GRIA1: variants seen among roughly 807,000 people sequenced by gnomAD.
The protein encoded by GRIA1 is glutamate ionotropic receptor AMPA type subunit 1.
In GRIA1, 31 loss-of-function variants were observed where a neutral mutation model predicts 99.2. The observed-to-expected ratio is 0.31, with a 90% CI of 0.23 to 0.42. The LOEUF is 0.42. Among genes scored for constraint, GRIA1 ranks in the 10% least tolerant of loss-of-function variants. The pLI is 1.00. For missense variants in GRIA1, 782 were observed against 1,157.5 expected (o/e 0.68, Z 4.71); for synonymous variants, 438 against 432.4 (o/e 1.01, Z -0.16).
At chr5:153,760,724 T>C (rs922917976) in intron 11 of GRIA1, among the ~76,000 whole-genome samples, 1 of 151,950 alleles carries the variant, frequency 6.6e-6, no homozygotes, top group African/African-American at 2.4e-5. Context: ...CAAGGCAATC[T>C]TGAACAAAAA....
chr5:153,705,662 A>ATGTTT, intron 10 of GRIA1, 35 bp from the exon 11 acceptor site: 1 of 750,700 alleles, frequency 1.3e-6, no homozygotes, highest in Non-Finnish European at 1.7e-6. Context: ...GCTCACCTGC[A>ATGTTT]TTTTTTTTTT....
intron 2 of GRIA1, among the ~76,000 whole-genome samples, chr5:153,527,204 A>G (rs1436146861): frequency 6.6e-6 from 1 of 152,162 alleles, no homozygotes; most frequent in Non-Finnish European, 1.5e-5. Flanking sequence ...AAAGTCTAAA[A>G]TTTCCAATAG....
Position 153,811,075 on chromosome 5 carries a change from G to A in GRIA1, c.2571G>A (p.Ser857=), listed in dbSNP as rs573878859. ...CCATCAACGAAGCCATACGGACATC[G>A]ACCCTCCCCCGCAACAGCGGGGCAG... ...QQSINEAIRT[S]TLPRNSGAGA... Residue 857 remains serine, a synonymous_variant, in exon 16 of 16, where the codon TCG becomes TCA. Coordinates refer to ENST00000285900, the MANE Select transcript of GRIA1 (RefSeq NM_000827.4). The A allele has an allele frequency of 1.8e-5, 29 of 1,614,030 alleles. No individual in the cohort carries two copies. Among genetic ancestry groups the A allele is most frequent in the South Asian group, 1.1e-4 (10 of 91,046 alleles).
chr5:153,597,116 C>T (rs759021816), intron 2 of GRIA1, among the ~76,000 whole-genome samples: 9 of 152,190 alleles, frequency 5.9e-5, no homozygotes, highest in African/African-American at 1.9e-4. Flanking sequence ...GTTCACTCTG[C>T]GGGAGACTGA....
chr5:153,690,532 G>A (rs538846323), intron 8 of GRIA1, among the ~76,000 whole-genome samples: 24 of 152,186 alleles, frequency 1.6e-4, no homozygotes, highest in East Asian at 3.9e-4. Flanking sequence ...TAAGGGATTC[G>A]GAAAAGTAGC....
intron 11 of GRIA1, among the ~76,000 whole-genome samples, chr5:153,725,906 G>GA (rs1419300059): frequency 3.0e-5 from 4 of 132,844 alleles, no homozygotes; most frequent in African/African-American, 5.8e-5. Flanking sequence ...GACATCTACA[G>GA]AACCCTCCAC....
At chr5:153,506,319 GT>G (rs35619395) in intron 2 of GRIA1, among the ~76,000 whole-genome samples, 5,406 of 43,884 alleles carry the variant, frequency 0.12, 115 homozygotes, top group Non-Finnish European at 0.19. Context: ...CAAGAAGGGT[GT>G]GTGTGTGTGT....
intron 11 of GRIA1, among the ~76,000 whole-genome samples, chr5:153,762,298 G>A (rs1763237355): frequency 6.6e-6 from 1 of 152,078 alleles, no homozygotes; most frequent in African/African-American, 2.4e-5. Context: ...CAATTTTTAT[G>A]TGTCAGTTGA....
chr5:153,531,979 A>C (rs1758134583), intron 2 of GRIA1, among the ~76,000 whole-genome samples: 1 of 152,170 alleles, frequency 6.6e-6, no homozygotes, highest in Admixed American at 6.5e-5. Context: ...CCATACTTGA[A>C]AACCCTCTCT....
At chr5:153,605,887 C>T (rs983112963) in intron 2 of GRIA1, among the ~76,000 whole-genome samples, 10 of 152,170 alleles carry the variant, frequency 6.6e-5, no homozygotes, top group African/African-American at 2.4e-4. Context: ...TCTTCCTTTC[C>T]ATAGCTTGCA....
rs1761212370 is a variant in GRIA1, at chr5:153,733,948, T to C, written c.1823+27881T>C. The stretch of plus-strand genomic sequence containing the variant: ...ACCCCACTTTCAACAATGGATAACT[T>C]ATCCACAGAAAAATCCATAAGGAAA... On this transcript the variant is annotated intron_variant, in intron 11 of 15. Coordinates refer to ENST00000285900, the MANE Select transcript of GRIA1 (RefSeq NM_000827.4). 2.6e-5 allele frequency among the ~76,000 whole-genome samples: 4 copies of C among 152,304 alleles called. No homozygotes were observed. The South Asian group carries it at 6.2e-4, about 24-fold the overall frequency.
chr5:153,681,593 C>T (rs193085921), intron 7 of GRIA1, among the ~76,000 whole-genome samples: 14 of 152,256 alleles, frequency 9.2e-5, no homozygotes, highest in Admixed American at 6.5e-5. Flanking sequence ...GGGTTCCAAC[C>T]GTGGCTCCAC....
rs1289081571 is a variant in GRIA1 at position 153,731,600 on chromosome 5, T to C, written c.1823+25533T>C. The stretch of plus-strand genomic sequence containing the variant: ...AGAACCCATTTTTTTCCTAGCTTTA[T>C]TGAGGTACAATTGACAAATAAAAAT... On this transcript the variant is annotated intron_variant, in intron 11 of 15. Coordinates refer to ENST00000285900, the MANE Select transcript of GRIA1 (RefSeq NM_000827.4). 7.9e-5 allele frequency among the ~76,000 whole-genome samples: 12 copies of C among 152,280 alleles called. 1 individual carries two copies. In the South Asian group the frequency reaches 2.1e-3, roughly 26 times the overall value.
chr5:153,685,285 G>A (rs532568166), intron 7 of GRIA1, among the ~76,000 whole-genome samples: 1 of 152,252 alleles, frequency 6.6e-6, no homozygotes, highest in South Asian at 2.1e-4. Flanking sequence ...TTTGAGAGTG[G>A]TCTTGGATGA....
chr5:153,550,581 A>C (rs1008039399), intron 2 of GRIA1, among the ~76,000 whole-genome samples: 10 of 152,176 alleles, frequency 6.6e-5, no homozygotes, highest in African/African-American at 2.4e-4. Context: ...ACTAGAACCA[A>C]ATCAACTACT....
chr5:153,745,698 A>G (rs552138992), intron 11 of GRIA1, among the ~76,000 whole-genome samples: 1 of 152,266 alleles, frequency 6.6e-6, no homozygotes, highest in African/African-American at 2.4e-5. Context: ...AATAAAGCCC[A>G]TAATGCAGGC....
intron 15 of GRIA1, among the ~76,000 whole-genome samples, chr5:153,803,974 T>C (rs998145807): frequency 4.6e-5 from 7 of 152,188 alleles, no homozygotes; most frequent in African/African-American, 1.4e-4. Context: ...GCATTCAGCA[T>C]TTCCCTGTCA....
At chr5:153,627,248 G>A (rs928957308) in intron 2 of GRIA1, among the ~76,000 whole-genome samples, 4 of 152,180 alleles carry the variant, frequency 2.6e-5, no homozygotes, top group Non-Finnish European at 2.9e-5. Context: ...CGTTTTACAT[G>A]CATTTGATTC....
intron 5 of GRIA1, among the ~76,000 whole-genome samples, chr5:153,659,984 T>A (rs1755240049): frequency 6.6e-6 from 1 of 152,190 alleles, no homozygotes; most frequent in African/African-American, 2.4e-5. Flanking sequence ...GTATGAATCA[T>A]ACTACCGGGT....
Sources: gnomAD v4.1 joint callset for allele counts (sites outside exome capture counted in the v4.1 genomes callset) on GRCh38, gnomAD v4.1.1 for gene constraint, MANE v1.5 for transcripts, NCBI Gene and HGNC (gene_info 2026-07-23, HGNC 2026-07-21) for gene names.